The following ARL5B variants were observed in gnomAD, a reference collection of about 807,000 sequenced individuals.
The protein encoded by ARL5B is ADP-ribosylation factor-like protein 5B.
In ARL5B, 10 loss-of-function variants were observed where a neutral mutation model predicts 26.9. That is an observed-to-expected ratio of 0.37 (90% CI 0.23 to 0.63). The LOEUF is 0.63. Among genes scored for constraint, ARL5B ranks in the 30% least tolerant of loss-of-function variants. ARL5B has a pLI of 0.62. For missense variants in ARL5B, 167 were observed against 213.9 expected, an observed-to-expected ratio of 0.78 and a Z score of 1.37; for synonymous variants, 87 against 70.4, an observed-to-expected ratio of 1.24 and a Z score of -1.18.
intron 3 of ARL5B, among the ~76,000 whole-genome samples, chr10:18,668,969 C>G (rs1257853136): frequency 6.6e-6 from 1 of 152,020 alleles, no homozygotes; most frequent in African/African-American, 2.4e-5. Flanking sequence ...CGGGGTTTCA[C>G]CATATTGATC....
intron 1 of ARL5B, among the ~76,000 whole-genome samples, chr10:18,664,133 T>C (rs1449452686): frequency 6.6e-6 from 1 of 151,690 alleles, no homozygotes; most frequent in African/African-American, 2.4e-5. Flanking sequence ...TTTGTATTTT[T>C]AGTAGAGACG....
Position 18,666,644 on chromosome 10 carries a change from G to C in ARL5B, c.107+9G>C. 1.3e-6 allele frequency: 2 copies of C among 1,598,008 alleles called. No individual in the cohort carries two copies. The highest frequency in any genetic ancestry group is 1.7e-6 in the Non-Finnish European group (2 of 1,169,294). On this transcript the variant is annotated intron_variant, in intron 2 of 5. Coordinates refer to ENST00000377275, the MANE Select transcript of ARL5B (RefSeq NM_178815.5). ...ACCATTCTTTACCAATTGTAAGTAT[G>C]GGTGTTTATTAAACAGTTTTCACTA...
At chr10:18,664,891 A>G (rs1242454623) in intron 1 of ARL5B, among the ~76,000 whole-genome samples, 1 of 152,126 alleles carries the variant, frequency 6.6e-6, no homozygotes, top group African/African-American at 2.4e-5. Flanking sequence ...TTTGCAAATG[A>G]CCTGGGTCTT....
chr10:18,659,478 C>T lies in ARL5B; in HGVS notation c.-160C>T. ...GTCCGGTGGGGATTCGTCGCGGCGCCTTCTGAGTGGTCGGGTCGAGGCTTC... is the reference window on the plus strand; with the variant it reads ...GTCCGGTGGGGATTCGTCGCGGCGCTTTCTGAGTGGTCGGGTCGAGGCTTC... On this transcript the variant is annotated 5_prime_UTR_variant, in exon 1 of 6. Transcript: ENST00000377275. 8.6e-6 allele frequency: 8 copies of T among 931,676 alleles called. No individual in the cohort carries two copies. The highest frequency in any genetic ancestry group is 1.2e-5 in the Non-Finnish European group (8 of 656,920). 57.7% of individuals were successfully genotyped at this position (931,676 alleles called of 1,614,324 possible). A position where few individuals can be genotyped will look rare whatever the true frequency, so the allele number is the denominator to read the frequency against.
chr10:18,673,119 G>A (rs555306789), intron 4 of ARL5B, among the ~76,000 whole-genome samples: 1 of 151,632 alleles, frequency 6.6e-6, no homozygotes, highest in African/African-American at 2.4e-5. Flanking sequence ...CTGGAGTACC[G>A]TGGCGCGATC....
At chr10:18,675,054 T>G in intron 5 of ARL5B, 114 bp from the exon 6 acceptor site, 1 of 799,258 alleles carries the variant, frequency 1.3e-6, no homozygotes, top group Non-Finnish European at 2.0e-6. Context: ...GACACTGATG[T>G]ATATAAATAA....
Position 18,667,712 on chromosome 10 carries a change from TATAC to T in ARL5B, c.108-816_108-813del, listed in dbSNP as rs1255478386. Among the ~76,000 whole-genome samples the T allele has an allele frequency of 4.0e-5, 6 of 151,694 alleles. No homozygotes were observed. In the South Asian group the frequency reaches 1.2e-3, roughly 32 times the overall value. On this transcript the variant is annotated intron_variant, in intron 2 of 5. Transcript: ENST00000377275. Reference sequence around the variant, plus strand: ...AGTATTCTAAATATATATATATATATATACACACACACACAAACACACACACACA... The same window carrying T: ...AGTATTCTAAATATATATATATATATACACACACACAAACACACACACACA...
At chr10:18,672,513 GTAA>G in intron 3 of ARL5B, 106 bp from the exon 4 acceptor site, 1 of 678,724 alleles carries the variant, frequency 1.5e-6, no homozygotes, top group Non-Finnish European at 2.5e-6. Context: ...ATGTTTTATA[GTAA>G]TGATGATGCC....
rs1564867917 is a variant in ARL5B, at chr10:18,675,529, A to G, written c.*313A>G. ...TCATATGCGTGATGTCTTCTGAAAT[A>G]TTCTTATAACCTTAATGACCAATTG... On this transcript the variant is annotated 3_prime_UTR_variant, in exon 6 of 6. Transcript: ENST00000377275. 1 of 285,954 alleles carries G rather than the reference A, an allele frequency of 3.5e-6. No homozygotes were observed. The highest frequency in any genetic ancestry group is 6.7e-6 in the Non-Finnish European group (1 of 148,174). The allele number at this position is 285,954 out of a possible 1,614,324, so 17.7% of individuals were successfully genotyped here.
intron 1 of ARL5B, among the ~76,000 whole-genome samples, chr10:18,661,965 C>A (rs896097186): frequency 1.3e-5 from 2 of 152,138 alleles, no homozygotes; most frequent in African/African-American, 4.8e-5. Flanking sequence ...CACAGAGGGC[C>A]TCCAGTGTTG....
rs1023594698 is a variant in ARL5B at position 18,675,658 on chromosome 10, A to G, written c.*442A>G. ...CTGCCTGCAGACTTCTCCAGCACTA[A>G]ATATATTTGTTCCCTCTATAAACCA... On this transcript the variant is annotated 3_prime_UTR_variant, in exon 6 of 6. Coordinates refer to ENST00000377275, the MANE Select transcript of ARL5B (RefSeq NM_178815.5). The G allele has an allele frequency of 1.8e-5, 3 of 166,244 alleles. No individual in the cohort carries two copies. The South Asian group carries it at 4.7e-4, about 26-fold the overall frequency. 10.3% of individuals were successfully genotyped at this position (166,244 alleles called of 1,614,324 possible).
rs1191075613 is a variant in ARL5B at position 18,680,968 on chromosome 10, A to C, written c.*5752A>C. 1 of 151,636 alleles carries C rather than the reference A, an allele frequency of 6.6e-6. No individual in the cohort carries two copies. Among genetic ancestry groups the C allele is most frequent in the Non-Finnish European group, 1.5e-5 (1 of 67,656 alleles). 9.4% of individuals were successfully genotyped at this position (151,636 alleles called of 1,614,324 possible). The stretch of plus-strand genomic sequence containing the variant: ...ATTTCTTGCCTCAGAATGCAAAACA[A>C]CTTTAAAGTGTCTATATTCATATAT... On this transcript the variant is annotated 3_prime_UTR_variant, in exon 6 of 6. Transcript: ENST00000377275.
At chr10:18,664,572 G>A (rs767154565) in intron 1 of ARL5B, among the ~76,000 whole-genome samples, 4 of 150,766 alleles carry the variant, frequency 2.7e-5, no homozygotes, top group African/African-American at 4.9e-5. Context: ...CAAGTAGCTG[G>A]GACTACAGGC....
intron 3 of ARL5B, among the ~76,000 whole-genome samples, chr10:18,672,405 G>A (rs2059892039): frequency 2.0e-5 from 3 of 152,144 alleles, no homozygotes; most frequent in Admixed American, 6.5e-5. Flanking sequence ...GTTTTTATTT[G>A]TTGAAGCTAT....
chr10:18,661,245 C>G (rs11015443), intron 1 of ARL5B, among the ~76,000 whole-genome samples: 4,151 of 152,288 alleles, frequency 0.027, 188 homozygotes, highest in African/African-American at 0.094. Flanking sequence ...GAAACGTTAC[C>G]GAAGTAGTTG....
chr10:18,659,775 G>C (rs1201259503), intron 1 of ARL5B, 92 bp downstream of exon 1: 2 of 1,562,448 alleles, frequency 1.3e-6, no homozygotes, highest in Non-Finnish European at 1.7e-6. Flanking sequence ...AGAGCGTTCG[G>C]AGACGCGGAG....
rs1174556281 is a variant in ARL5B at position 18,680,497 on chromosome 10, A to C, written c.*5281A>C. 6.6e-6 allele frequency: 1 copy of C among 152,094 alleles called. No homozygotes were observed. Among genetic ancestry groups the C allele is most frequent in the East Asian group, 1.9e-4 (1 of 5,198 alleles). 9.4% of individuals were successfully genotyped at this position (152,094 alleles called of 1,614,324 possible). A position where few individuals can be genotyped will look rare whatever the true frequency, so the allele number is the denominator to read the frequency against. ...GTTGGTAAGATATCAAATGACTATC[A>C]GTTGATCCCAGTCATCAGTGACTTA... is the stretch of plus-strand genomic sequence containing the variant. On this transcript the variant is annotated 3_prime_UTR_variant, in exon 6 of 6. Coordinates refer to ENST00000377275, the MANE Select transcript of ARL5B (RefSeq NM_178815.5).
At chr10:18,671,020 A>G (rs1227474046) in intron 3 of ARL5B, among the ~76,000 whole-genome samples, 2 of 152,112 alleles carry the variant, frequency 1.3e-5, no homozygotes, top group Non-Finnish European at 2.9e-5. Context: ...AAGAAGTTAC[A>G]GGTATTAAGT....
chr10:18,681,478 A>G lies in ARL5B; in HGVS notation c.*6262A>G, dbSNP rs768039192. 4 of 152,188 alleles carry G rather than the reference A, an allele frequency of 2.6e-5. No homozygotes were observed. The highest frequency in any genetic ancestry group is 4.8e-5 in the African/African-American group (2 of 41,456). The allele number at this position is 152,188 out of a possible 1,614,324, so 9.4% of individuals were successfully genotyped here. ...AATTATGTTATAATGAGTTGTTTGCATGCCTACTTAACCCAAGTAAAACGA... is the reference window on the plus strand; with the variant it reads ...AATTATGTTATAATGAGTTGTTTGCGTGCCTACTTAACCCAAGTAAAACGA... On this transcript the variant is annotated 3_prime_UTR_variant, in exon 6 of 6. Transcript: ENST00000377275.
Sources: gnomAD v4.1 joint callset for allele counts (sites outside exome capture counted in the v4.1 genomes callset) on GRCh38, gnomAD v4.1.1 for gene constraint, MANE v1.5 for transcripts, NCBI Gene and HGNC (gene_info 2026-07-23, HGNC 2026-07-21) for gene names.